Variants in OVCH1 observed in about 807,000 individuals in gnomAD.
OVCH1 encodes ovochymase-1.
In OVCH1, 139 loss-of-function variants were observed where a neutral mutation model predicts 138.4. The observed-to-expected ratio is 1.00, with a 90% CI of 0.87 to 1.16. OVCH1 has a LOEUF of 1.16. Among genes scored for constraint, OVCH1 ranks in the 50% most tolerant of loss-of-function variants. The pLI, the probability that OVCH1 is intolerant of heterozygous loss-of-function variation, is 0.00. For missense variants in OVCH1, 1,367 were observed against 1,357.9 expected (o/e 1.01, Z -0.11); for synonymous variants, 453 against 467.8 (o/e 0.97, Z 0.41).
chr12:29,407,117 T>A, the OVCH1 span, among the ~76,000 whole-genome samples: 1 of 152,054 alleles, frequency 6.6e-6, no homozygotes, highest in African/African-American at 2.4e-5. Flanking sequence ...TTGAGAAGTG[T>A]CTGTTCATGT....
intron 22 of OVCH1, among the ~76,000 whole-genome samples, chr12:29,449,328 T>C (rs956086180): frequency 6.7e-6 from 1 of 148,768 alleles, no homozygotes; most frequent in African/African-American, 2.5e-5. Flanking sequence ...CACTCAACCT[T>C]AAGTATATTC....
chr12:29,484,316 C>T (rs1943026606), intron 8 of OVCH1, among the ~76,000 whole-genome samples: 1 of 152,068 alleles, frequency 6.6e-6, no homozygotes, highest in Admixed American at 6.6e-5. Context: ...CACTAAATCC[C>T]ACAGCAATCT....
In OVCH1 at chr12:29,455,098, T is replaced by C. The variant is rs1941909056; in HGVS notation, c.2437+151A>G. 4 of 1,121,726 alleles carry C rather than the reference T, an allele frequency of 3.6e-6. No individual in the cohort carries two copies. The Admixed American group carries it at 8.4e-5, about 24-fold the overall frequency. 69.5% of individuals were successfully genotyped at this position (1,121,726 alleles called of 1,614,324 possible). On this transcript the variant is annotated intron_variant, in intron 20 of 27. Coordinates refer to ENST00000318184, the Ensembl canonical transcript of OVCH1. ...ACTCTACACATGGGAGAACTTATTTTGCAGAATCTTGCATTTTAGTGTGTT... is the reference window on the plus strand; with the variant it reads ...ACTCTACACATGGGAGAACTTATTTCGCAGAATCTTGCATTTTAGTGTGTT...
At chr12:29,405,531 G>A in the OVCH1 span, among the ~76,000 whole-genome samples, 1 of 152,176 alleles carries the variant, frequency 6.6e-6, no homozygotes, top group East Asian at 1.9e-4. Flanking sequence ...AACACGGATT[G>A]CAGACTCTTA....
the OVCH1 span, among the ~76,000 whole-genome samples, chr12:29,404,835 A>T: frequency 1.6e-3 from 237 of 152,064 alleles, 2 homozygotes; most frequent in Non-Finnish European, 2.3e-3. Flanking sequence ...AGTCTGGCCA[A>T]CATAGGGAAA....
chr12:29,464,322 T>G (rs879427482), intron 18 of OVCH1, 185 bp downstream of exon 18: 1 of 712,976 alleles, frequency 1.4e-6, no homozygotes, highest in Non-Finnish European at 2.4e-6. Flanking sequence ...TAAGTTACCC[T>G]GAAGGAAAAG....
intron 3 of OVCH1, among the ~76,000 whole-genome samples, chr12:29,414,383 T>C (rs552797717): frequency 6.6e-6 from 1 of 152,310 alleles, no homozygotes; most frequent in Non-Finnish European, 1.5e-5. Context: ...CATCAACTCA[T>C]ATCATTCAGT....
intron 3 of OVCH1, among the ~76,000 whole-genome samples, chr12:29,419,618 A>T (rs950997285): frequency 4.6e-5 from 7 of 152,096 alleles, no homozygotes; most frequent in Non-Finnish European, 7.4e-5. Context: ...TTTAAGATGC[A>T]TGATGCCTCA....
the OVCH1 span, among the ~76,000 whole-genome samples, chr12:29,406,947 C>A: frequency 4.1e-5 from 6 of 144,888 alleles, no homozygotes; most frequent in Non-Finnish European, 3.1e-5. Flanking sequence ...TCCTATTTCT[C>A]CACATCCTCT....
intron 3 of OVCH1, among the ~76,000 whole-genome samples, chr12:29,413,648 T>C (rs1360049317): frequency 1.4e-5 from 2 of 142,250 alleles, no homozygotes; most frequent in Non-Finnish European, 3.1e-5. Flanking sequence ...TTTATGTATG[T>C]GTCTGTGTGT....
Position 29,487,473 on chromosome 12 carries a change from A to C in OVCH1, c.892+220T>G. On this transcript the variant is annotated intron_variant, in intron 7 of 27. Coordinates refer to ENST00000318184, the Ensembl canonical transcript of OVCH1. ...TTAATAAAATCTCGTAAATGCAAAA[A>C]GGCATCTCATGAAAATTTTATACAG... 3 of 435,258 alleles carry C rather than the reference A, an allele frequency of 6.9e-6. No individual in the cohort carries two copies. The East Asian group carries it at 1.1e-4, about 16-fold the overall frequency. The allele number at this position is 435,258 out of a possible 1,614,324, so 27.0% of individuals were successfully genotyped here.
At chr12:29,422,097 G>A (rs761580768) in intron 3 of OVCH1, among the ~76,000 whole-genome samples, 7 of 152,144 alleles carry the variant, frequency 4.6e-5, no homozygotes, top group African/African-American at 7.2e-5. Flanking sequence ...AGGTTTAAGG[G>A]TGGATTTTAA....
At chr12:29,438,439 G>T (rs145166659) in intron 26 of OVCH1, among the ~76,000 whole-genome samples, 1 of 148,348 alleles carries the variant, frequency 6.7e-6, no homozygotes. Flanking sequence ...GATAAACTTC[G>T]GAGTTAATTT....
At chr12:29,424,359 C>G (rs1941149074), downstream of OVCH1, among the ~76,000 whole-genome samples, 1 of 152,220 alleles carries the variant, frequency 6.6e-6, no homozygotes, top group African/African-American at 2.4e-5. Flanking sequence ...AGTAAACTCA[C>G]AACCTTCCAG....
chr12:29,417,641 AAT>A (rs1386843947), intron 3 of OVCH1, among the ~76,000 whole-genome samples: 1 of 152,034 alleles, frequency 6.6e-6, no homozygotes, highest in Non-Finnish European at 1.5e-5. Flanking sequence ...AAATTATTTC[AAT>A]ATAAGTTTAA....
chr12:29,452,911 A>G (rs180938296), intron 21 of OVCH1, among the ~76,000 whole-genome samples: 5 of 152,342 alleles, frequency 3.3e-5, no homozygotes, highest in Non-Finnish European at 5.9e-5. Flanking sequence ...TCCGTATATA[A>G]AACTTTCAAA....
chr12:29,472,854 A>T (rs912527738), intron 15 of OVCH1, among the ~76,000 whole-genome samples, 175 bp downstream of exon 15: 2 of 152,170 alleles, frequency 1.3e-5, no homozygotes, highest in African/African-American at 4.8e-5. Flanking sequence ...CCCTCTATTT[A>T]TGAGTCTAAC....
intron 25 of OVCH1, chr12:29,440,734 T>A: frequency 2.2e-6 from 1 of 455,932 alleles, no homozygotes; most frequent in Non-Finnish European, 4.4e-6. Context: ...TCAGTGCTCA[T>A]CAACATTCTC....
chr12:29,497,668 C>T (rs781019653), exon 1 of OVCH1: 2 of 1,614,014 alleles, frequency 1.2e-6, no homozygotes, highest in East Asian at 4.5e-5. Flanking sequence ...AACAAACCAG[C>T]ACTGGCCAGC....
Sources: gnomAD v4.1 joint callset for allele counts (sites outside exome capture counted in the v4.1 genomes callset) on GRCh38, gnomAD v4.1.1 for gene constraint, MANE v1.5 for transcripts, NCBI Gene and HGNC (gene_info 2026-07-23, HGNC 2026-07-21) for gene names.